Variants in SCGB2B2 observed in about 807,000 individuals in gnomAD.
The protein encoded by SCGB2B2 is secretoglobin family 2B member 2, also known as secretoglobin-like protein.
A neutral mutation model predicts 7.6 loss-of-function variants in SCGB2B2; 11 were observed. The observed-to-expected ratio is 1.45, with a 90% confidence interval of 0.91 to 2.40. The LOEUF is 2.40. Among genes scored for constraint, SCGB2B2 ranks in the 30% most tolerant of loss-of-function variants. SCGB2B2 has a pLI of 0.00. For synonymous variants in SCGB2B2, 50 were observed against 48.6 expected (o/e 1.03, Z -0.12); for missense variants, 104 against 115.4 (o/e 0.90, Z 0.45).
intron 1 of SCGB2B2, among the ~76,000 whole-genome samples, chr19:34,659,185 A>G (rs2067376828): frequency 6.6e-6 from 1 of 152,246 alleles, no homozygotes; most frequent in Non-Finnish European, 1.5e-5. Context: ...CCAGTATCAT[A>G]CTGAATGGGC....
intron 1 of SCGB2B2, among the ~76,000 whole-genome samples, chr19:34,598,022 G>A (rs1007110532): frequency 3.3e-5 from 5 of 152,074 alleles, no homozygotes; most frequent in African/African-American, 1.2e-4. Flanking sequence ...CTGCTTTCTG[G>A]CTTCTAAGTG....
intron 1 of SCGB2B2, among the ~76,000 whole-genome samples, chr19:34,607,163 C>T (rs576659885): frequency 6.6e-5 from 10 of 152,288 alleles, no homozygotes; most frequent in Admixed American, 2.0e-4. Flanking sequence ...TGTGTCTAGC[C>T]TATTTCACTA....
At chr19:34,618,523 T>C (rs760838784) in intron 1 of SCGB2B2, among the ~76,000 whole-genome samples, 4 of 152,234 alleles carry the variant, frequency 2.6e-5, no homozygotes, top group South Asian at 2.1e-4. Flanking sequence ...AGATTAATGC[T>C]TCACAAATTC....
At chr19:34,659,529 C>G (rs149565198) in intron 1 of SCGB2B2, among the ~76,000 whole-genome samples, 16,807 of 152,086 alleles carry the variant, frequency 0.11, 974 homozygotes, top group East Asian at 0.22. Flanking sequence ...GAGTGAGCTC[C>G]CATTCACAAT....
chr19:34,593,148 C>G lies in SCGB2B2; in HGVS notation c.*407G>C, dbSNP rs1046680858. ...ACCAGCCTGGCCAACATGGCAAAAC[C>G]CTGTCTCCACTAAAAATACAAAAAT... is the stretch of plus-strand genomic sequence containing the variant. On this transcript the variant is annotated 3_prime_UTR_variant, in exon 4 of 4. Coordinates refer to ENST00000601241, the MANE Select transcript of SCGB2B2 (RefSeq NM_001025591.4). Among the ~76,000 whole-genome samples the G allele has an allele frequency of 1.3e-5, 2 of 152,114 alleles. No individual in the cohort carries two copies. Among genetic ancestry groups the G allele is most frequent in the Admixed American group, 1.3e-4 (2 of 15,286 alleles).
At chr19:34,668,007 T>C (rs553699294) in intron 1 of SCGB2B2, among the ~76,000 whole-genome samples, 2 of 152,318 alleles carry the variant, frequency 1.3e-5, no homozygotes, top group Admixed American at 1.3e-4. Context: ...CACCCACATA[T>C]GTAGTGAGAG....
chr19:34,624,053 G>T (rs1248123936), intron 1 of SCGB2B2, among the ~76,000 whole-genome samples: 3 of 152,168 alleles, frequency 2.0e-5, no homozygotes. Flanking sequence ...GGGTCAATAT[G>T]GCCCCCCAAC....
chr19:34,656,565 T>C (rs1184500764), intron 1 of SCGB2B2, among the ~76,000 whole-genome samples: 1 of 151,314 alleles, frequency 6.6e-6, no homozygotes, highest in Non-Finnish European at 1.5e-5. Flanking sequence ...ACTGCACCAC[T>C]GCACTTCAGC....
chr19:34,597,319 T>A (rs1249758723), intron 1 of SCGB2B2, among the ~76,000 whole-genome samples: 1 of 152,152 alleles, frequency 6.6e-6, no homozygotes, highest in African/African-American at 2.4e-5. Context: ...CTGCATGACA[T>A]GACCAGATCG....
rs1002475827 is a variant in SCGB2B2 at position 34,599,877 on chromosome 19, T to C, written c.-2031-3283A>G. Among the ~76,000 whole-genome samples, 14 of 152,252 alleles carry C rather than the reference T, an allele frequency of 9.2e-5. 1 individual carries two copies. Among genetic ancestry groups the C allele is most frequent in the Admixed American group, 3.3e-4 (5 of 15,296 alleles). On this transcript the variant is annotated intron_variant, in intron 1 of 3. Coordinates refer to ENST00000601241, the MANE Select transcript of SCGB2B2 (RefSeq NM_001025591.4). ...CTCTAATCATCTTTTTATTGTGACA[T>C]AGAACACAAGTATGGAGACGTACAC... is the stretch of plus-strand genomic sequence containing the variant.
chr19:34,624,971 G>A (rs1037196830), intron 1 of SCGB2B2, among the ~76,000 whole-genome samples: 5 of 152,190 alleles, frequency 3.3e-5, no homozygotes, highest in African/African-American at 9.7e-5. Context: ...AAAGTACAGT[G>A]TTGGAGGTCC....
chr19:34,658,813 C>CAACA (rs1467140649), intron 1 of SCGB2B2, among the ~76,000 whole-genome samples: 42 of 101,994 alleles, frequency 4.1e-4, no homozygotes, highest in African/African-American at 2.0e-3. Flanking sequence ...ACAACAACAA[C>CAACA]AAAAAAAAAA....
chr19:34,634,765 G>A (rs1454967870), intron 1 of SCGB2B2: 1 of 174,226 alleles, frequency 5.7e-6, no homozygotes. Context: ...CACTCATAAG[G>A]TCTTTTTCTA....
chr19:34,600,293 T>G (rs1183426015), intron 1 of SCGB2B2, among the ~76,000 whole-genome samples: 5 of 152,268 alleles, frequency 3.3e-5, no homozygotes, highest in Non-Finnish European at 5.9e-5. Flanking sequence ...TGTTGTTATC[T>G]CCATTGTTTA....
At chr19:34,664,668 G>A (rs1179766407) in intron 1 of SCGB2B2, among the ~76,000 whole-genome samples, 1 of 152,126 alleles carries the variant, frequency 6.6e-6, no homozygotes, top group Non-Finnish European at 1.5e-5. Flanking sequence ...CACTGTTCCA[G>A]CAAACTCCTT....
chr19:34,659,676 G>A (rs1600068566), intron 1 of SCGB2B2, among the ~76,000 whole-genome samples: 1 of 151,888 alleles, frequency 6.6e-6, no homozygotes, highest in African/African-American at 2.4e-5. Context: ...ATGCTCATGG[G>A]TAGGAAGAAT....
At chr19:34,605,267 T>C (rs2065745446) in intron 1 of SCGB2B2, among the ~76,000 whole-genome samples, 1 of 152,246 alleles carries the variant, frequency 6.6e-6, no homozygotes, top group African/African-American at 2.4e-5. Flanking sequence ...TCAATCTTTT[T>C]GATGTGGATT....
chr19:34,590,447 C>A (rs912369395), downstream of SCGB2B2, among the ~76,000 whole-genome samples: 1 of 152,154 alleles, frequency 6.6e-6, no homozygotes, highest in Non-Finnish European at 1.5e-5. Context: ...CATCTATCCA[C>A]CTATCCATCC....
chr19:34,620,962 G>C (rs2066226083), intron 1 of SCGB2B2, among the ~76,000 whole-genome samples: 1 of 152,202 alleles, frequency 6.6e-6, no homozygotes, highest in South Asian at 2.1e-4. Flanking sequence ...TTATGAGAAT[G>C]TATACTGGGA....
Sources: gnomAD v4.1 joint callset for allele counts (sites outside exome capture counted in the v4.1 genomes callset) on GRCh38, gnomAD v4.1.1 for gene constraint, MANE v1.5 for transcripts, NCBI Gene and HGNC (gene_info 2026-07-23, HGNC 2026-07-21) for gene names.